The following PRKG1 variants were observed in gnomAD, a reference collection of about 807,000 sequenced individuals.
PRKG1 encodes the protein protein kinase cGMP-dependent 1.
In PRKG1, 35 loss-of-function variants were observed where a neutral mutation model predicts 88.1. The ratio of observed to expected loss-of-function variants is 0.40; its 90% CI spans 0.30 to 0.53. The LOEUF is 0.53. Ranked by LOEUF, PRKG1 falls within the 20% of genes least tolerant of loss-of-function variation. The probability of loss-of-function intolerance (pLI) is 0.59; values close to 1 mark genes in which losing one functional copy is unlikely to be tolerated. For synonymous variants in PRKG1, 303 were observed against 292.5 expected (o/e 1.04, Z -0.37); for missense variants, 540 against 839.8 (o/e 0.64, Z 4.41).
intron 2 of PRKG1, among the ~76,000 whole-genome samples, chr10:51,315,342 C>T (rs1564443233): frequency 6.6e-6 from 1 of 152,178 alleles, no homozygotes; most frequent in African/African-American, 2.4e-5. Flanking sequence ...GCTGAATATA[C>T]GGGTGCAAAT....
chr10:51,882,989 T>A (rs1345580455), intron 4 of PRKG1, among the ~76,000 whole-genome samples: 1 of 152,140 alleles, frequency 6.6e-6, no homozygotes, highest in Non-Finnish European at 1.5e-5. Context: ...TCTGTGAGGG[T>A]GTTTCCAGAA....
intron 2 of PRKG1, among the ~76,000 whole-genome samples, chr10:51,456,641 A>C (rs1839593436): frequency 6.6e-6 from 1 of 152,190 alleles, no homozygotes; most frequent in African/African-American, 2.4e-5. Context: ...AGAAATAATC[A>C]GTATTTTTTA....
At chr10:52,040,832 C>CTTTTTTTTTTTTTTTTTTTTTTT (rs11312625) in intron 5 of PRKG1, among the ~76,000 whole-genome samples, 1 of 85,260 alleles carries the variant, frequency 1.2e-5, no homozygotes, top group Non-Finnish European at 2.1e-5. Context: ...AATGGCTTTT[C>CTTTTTTTTTTTTTTTTTTTTTTT]TTTTTTTTTT....
intron 2 of PRKG1, among the ~76,000 whole-genome samples, chr10:51,400,344 C>T (rs555633610): frequency 2.0e-5 from 3 of 152,136 alleles, no homozygotes; most frequent in Admixed American, 6.6e-5. Flanking sequence ...GGATGAGAAA[C>T]AGTGTTCAGG....
intron 2 of PRKG1, among the ~76,000 whole-genome samples, chr10:51,188,310 GC>G (rs1352296336): frequency 6.6e-6 from 1 of 152,018 alleles, no homozygotes; most frequent in East Asian, 1.9e-4. Context: ...AATACATGAG[GC>G]TTTTCATGTA....
chr10:51,983,164 G>A (rs1441916400), intron 5 of PRKG1, among the ~76,000 whole-genome samples: 5 of 152,162 alleles, frequency 3.3e-5, no homozygotes, highest in African/African-American at 4.8e-5. Flanking sequence ...GCACTGGCAG[G>A]CGTGGGGCTG....
chr10:51,320,474 G>GC, intron 2 of PRKG1: 1 of 153,444 alleles, frequency 6.5e-6, no homozygotes, highest in Non-Finnish European at 1.5e-5. Flanking sequence ...GTGGAGAACA[G>GC]CCCCTGGGTT....
chr10:51,124,144 G>T (rs900519682), intron 1 of PRKG1, among the ~76,000 whole-genome samples: 2 of 151,876 alleles, frequency 1.3e-5, no homozygotes, highest in African/African-American at 4.8e-5. Context: ...ATGATCTGGG[G>T]GTCAATCTAC....
intron 2 of PRKG1, among the ~76,000 whole-genome samples, chr10:51,271,385 A>C (rs1839976705): frequency 6.6e-6 from 1 of 152,158 alleles, no homozygotes; most frequent in East Asian, 1.9e-4. Context: ...GTATAACAAA[A>C]TCCAAAGGGA....
chr10:51,176,136 G>A (rs1022059351), intron 2 of PRKG1, among the ~76,000 whole-genome samples: 6 of 152,018 alleles, frequency 3.9e-5, no homozygotes, highest in African/African-American at 1.4e-4. Context: ...AACTACGATT[G>A]AAATTTTGAT....
At chr10:52,100,129 C>T (rs1290241530) in intron 7 of PRKG1, among the ~76,000 whole-genome samples, 9 of 152,128 alleles carry the variant, frequency 5.9e-5, no homozygotes, top group Admixed American at 5.2e-4. Flanking sequence ...GGTAGGGATT[C>T]CTGTCTCATG....
intron 3 of PRKG1, among the ~76,000 whole-genome samples, chr10:51,558,543 G>T (rs189043163): frequency 2.2e-3 from 330 of 152,156 alleles, no homozygotes; most frequent in African/African-American, 7.6e-3. Flanking sequence ...GAATATGCAT[G>T]GGATGTCATC....
intron 5 of PRKG1, among the ~76,000 whole-genome samples, chr10:51,939,927 CTATT>C (rs1564717583): frequency 6.6e-6 from 1 of 151,880 alleles, no homozygotes; most frequent in Non-Finnish European, 1.5e-5. Context: ...AAAACTGAGA[CTATT>C]TGTTGAATTC....
chr10:51,942,996 A>C (rs1260085705), intron 5 of PRKG1, among the ~76,000 whole-genome samples: 2 of 151,992 alleles, frequency 1.3e-5, no homozygotes, highest in Admixed American at 6.6e-5. Flanking sequence ...GAAGCAAGTC[A>C]TTGGTAGCTT....
chr10:52,040,853 T>G (rs1845738859), intron 5 of PRKG1, among the ~76,000 whole-genome samples: 1 of 133,994 alleles, frequency 7.5e-6, no homozygotes, highest in East Asian at 2.1e-4. Flanking sequence ...TTTTTTTTTT[T>G]GAGATGGGAG....
intron 3 of PRKG1, among the ~76,000 whole-genome samples, chr10:51,524,582 C>G (rs1319411100): frequency 6.6e-6 from 1 of 152,144 alleles, no homozygotes; most frequent in Non-Finnish European, 1.5e-5. Flanking sequence ...ATCCTTAGCT[C>G]TTGTGCCATA....
At chr10:51,301,992 C>T (rs1840900758) in intron 2 of PRKG1, among the ~76,000 whole-genome samples, 1 of 152,154 alleles carries the variant, frequency 6.6e-6, no homozygotes, top group African/African-American at 2.4e-5. Flanking sequence ...CTTAACTAGT[C>T]CAGTTCCTGG....
intron 5 of PRKG1, among the ~76,000 whole-genome samples, chr10:51,932,046 G>C (rs569028711): frequency 2.6e-5 from 4 of 152,216 alleles, no homozygotes; most frequent in Non-Finnish European, 5.9e-5. Flanking sequence ...AATTTAGCTG[G>C]AGTCCATCCT....
At chr10:51,583,799 C>G (rs534668404) in intron 3 of PRKG1, among the ~76,000 whole-genome samples, 3 of 151,992 alleles carry the variant, frequency 2.0e-5, no homozygotes, top group Non-Finnish European at 4.4e-5. Context: ...TATAATGGAG[C>G]AGAGACAAAG....
Sources: gnomAD v4.1 joint callset for allele counts (sites outside exome capture counted in the v4.1 genomes callset) on GRCh38, gnomAD v4.1.1 for gene constraint, MANE v1.5 for transcripts, NCBI Gene and HGNC (gene_info 2026-07-23, HGNC 2026-07-21) for gene names.